ELOVL7: variants seen among roughly 807,000 people sequenced by gnomAD.
ELOVL7 encodes ELOVL fatty acid elongase 7.
ELOVL7 carries 27 observed loss-of-function variants against 35.7 expected under a neutral mutation model. That is an observed-to-expected ratio of 0.76 (90% confidence interval 0.56 to 1.04). The LOEUF (loss-of-function observed/expected upper bound fraction) is 1.04, where lower values mean the gene tolerates loss of function less well. Among genes scored for constraint, ELOVL7 ranks in the 50% least tolerant of loss-of-function variants. The pLI is 0.00. For missense variants in ELOVL7, 327 were observed against 340.8 expected (o/e 0.96, Z 0.32); for synonymous variants, 113 against 114.6 (o/e 0.99, Z 0.09).
In ELOVL7 at chr5:60,758,107, T is replaced by C. The variant is rs561387844; in HGVS notation, c.500-462A>G. Among the ~76,000 whole-genome samples, 5 of 152,282 alleles carry C rather than the reference T, an allele frequency of 3.3e-5. No individual in the cohort carries two copies. In the South Asian group the frequency reaches 8.3e-4, roughly 25 times the overall value. ...TTTCCAACACCACATAAGATTCCCA[T>C]GTGCTCCTTCCAAGAATATACCCCT... is the stretch of plus-strand genomic sequence containing the variant. On this transcript the variant is annotated intron_variant, in intron 7 of 8. Coordinates refer to ENST00000508821, the MANE Select transcript of ELOVL7 (RefSeq NM_024930.3).
intron 3 of ELOVL7, among the ~76,000 whole-genome samples, chr5:60,775,993 T>C (rs1397183643): frequency 6.6e-6 from 1 of 152,068 alleles, no homozygotes; most frequent in Non-Finnish European, 1.5e-5. Flanking sequence ...TAAGACCTAA[T>C]TAAACTAAAG....
At chr5:60,786,538 G>T (rs1327815636) in intron 3 of ELOVL7, among the ~76,000 whole-genome samples, 2 of 152,080 alleles carry the variant, frequency 1.3e-5, no homozygotes, top group Non-Finnish European at 1.5e-5. Context: ...ATGGGCAAGG[G>T]TAAAAGGCAG....
Position 60,772,037 on chromosome 5 carries a change from G to T in ELOVL7, c.121C>A (p.Leu41Ile). The T allele has an allele frequency of 6.2e-7, 1 of 1,613,506 alleles. No individual in the cohort carries two copies. Among genetic ancestry groups the T allele is most frequent in the Non-Finnish European group, 8.5e-7 (1 of 1,179,704 alleles). The change falls in exon 4 of 9, where the codon CTA becomes ATA. Residue 41 changes from leucine (L) to isoleucine (I), a missense_variant. Leu to Ile is a conservative substitution (Grantham distance 5, BLOSUM62 2). Coordinates refer to ENST00000508821, the MANE Select transcript of ELOVL7 (RefSeq NM_024930.3). Reference sequence around the variant, plus strand: ...GTGACAAAATAGACATAGAATCCTAGGAGGATGGTTTGTGGCAGAGGCGAG... The same window carrying T: ...GTGACAAAATAGACATAGAATCCTATGAGGATGGTTTGTGGCAGAGGCGAG... ...MSSPLPQTIL[L>I]GFYVYFVTSL...
chr5:60,780,114 C>CTTTTTT (rs59345433), intron 3 of ELOVL7, among the ~76,000 whole-genome samples: 1 of 124,332 alleles, frequency 8.0e-6, no homozygotes, highest in Non-Finnish European at 1.6e-5. Flanking sequence ...CAAACTTTCC[C>CTTTTTT]TTTTTTTTTT....
intron 3 of ELOVL7, among the ~76,000 whole-genome samples, chr5:60,779,426 G>T (rs531902673): frequency 6.6e-6 from 1 of 152,302 alleles, no homozygotes; most frequent in South Asian, 2.1e-4. Context: ...CTAGGTAGAG[G>T]TTCCCAAACC....
At chr5:60,760,483 G>A (rs1343723477) in intron 7 of ELOVL7, among the ~76,000 whole-genome samples, 2 of 152,228 alleles carry the variant, frequency 1.3e-5, no homozygotes, top group East Asian at 1.9e-4. Flanking sequence ...TTTTGATGGG[G>A]TTGTTTGTTT....
At chr5:60,813,450 C>G (rs2112327013) in intron 1 of ELOVL7, among the ~76,000 whole-genome samples, 1 of 152,192 alleles carries the variant, frequency 6.6e-6, no homozygotes, top group African/African-American at 2.4e-5. Context: ...TCACCTTTTC[C>G]CCTTTCCCTA....
At chr5:60,835,485 C>T (rs1746743496) in intron 1 of ELOVL7, among the ~76,000 whole-genome samples, 1 of 151,910 alleles carries the variant, frequency 6.6e-6, no homozygotes, top group Admixed American at 6.5e-5. Context: ...AATCACAGCT[C>T]ACTACAGCCT....
At chr5:60,790,775 A>T (rs951011129) in intron 2 of ELOVL7, among the ~76,000 whole-genome samples, 2 of 152,192 alleles carry the variant, frequency 1.3e-5, no homozygotes, top group Admixed American at 6.5e-5. Context: ...ATTACAGCTC[A>T]ATTTCCTAAT....
chr5:60,815,483 T>G (rs999539572), intron 1 of ELOVL7, among the ~76,000 whole-genome samples: 5 of 152,128 alleles, frequency 3.3e-5, no homozygotes, highest in African/African-American at 1.2e-4. Flanking sequence ...AACCCTTTCA[T>G]TAAAAAGTAG....
chr5:60,821,124 C>G (rs1230452552), intron 1 of ELOVL7, among the ~76,000 whole-genome samples: 1 of 152,212 alleles, frequency 6.6e-6, no homozygotes, highest in East Asian at 1.9e-4. Context: ...CAGCCATCCA[C>G]TGTACACAAG....
chr5:60,757,766 C>G, intron 7 of ELOVL7, 121 bp from the exon 8 acceptor site: 3 of 796,814 alleles, frequency 3.8e-6, no homozygotes, highest in Non-Finnish European at 3.7e-6. Context: ...TATAAAATAT[C>G]AATCCTGTTA....
intron 1 of ELOVL7, among the ~76,000 whole-genome samples, chr5:60,821,258 T>A (rs557104193): frequency 1.3e-5 from 2 of 152,278 alleles, no homozygotes; most frequent in African/African-American, 4.8e-5. Context: ...ACCCTTCTAA[T>A]CTCTAGCAGA....
intron 8 of ELOVL7, among the ~76,000 whole-genome samples, chr5:60,756,600 T>C (rs1741553924): frequency 6.6e-6 from 1 of 152,158 alleles, no homozygotes; most frequent in Non-Finnish European, 1.5e-5. Flanking sequence ...TGCAAGGAAA[T>C]ACTCTGATCT....
At chr5:60,770,618 G>A (rs1013124520) in intron 4 of ELOVL7, among the ~76,000 whole-genome samples, 14 of 152,212 alleles carry the variant, frequency 9.2e-5, no homozygotes, top group African/African-American at 3.4e-4. Context: ...AGAGTGGCCT[G>A]TGAGTTAATT....
chr5:60,842,789 A>C, intron 1 of ELOVL7, among the ~76,000 whole-genome samples: 1 of 152,174 alleles, frequency 6.6e-6, no homozygotes, highest in Admixed American at 6.5e-5. Context: ...TTACCTCATC[A>C]TTAAAATGAG....
intron 3 of ELOVL7, among the ~76,000 whole-genome samples, chr5:60,773,984 G>T (rs1257333755): frequency 1.3e-5 from 2 of 152,188 alleles, no homozygotes; most frequent in African/African-American, 4.8e-5. Context: ...AACATCTTAT[G>T]AAACTAATGT....
intron 3 of ELOVL7, among the ~76,000 whole-genome samples, chr5:60,780,046 T>C (rs1447636332): frequency 6.6e-6 from 1 of 152,050 alleles, no homozygotes; most frequent in Non-Finnish European, 1.5e-5. Flanking sequence ...TGACCTTCAT[T>C]GTCCATATCA....
intron 1 of ELOVL7, among the ~76,000 whole-genome samples, chr5:60,838,967 G>A (rs1228490745): frequency 6.6e-6 from 1 of 151,670 alleles, no homozygotes; most frequent in African/African-American, 2.4e-5. Flanking sequence ...AGGTTGCAGT[G>A]AGCAGAGATA....
Sources: gnomAD v4.1 joint callset for allele counts (sites outside exome capture counted in the v4.1 genomes callset) on GRCh38, gnomAD v4.1.1 for gene constraint, MANE v1.5 for transcripts, NCBI Gene and HGNC (gene_info 2026-07-23, HGNC 2026-07-21) for gene names.